Variants in IQCM observed in about 807,000 individuals in gnomAD.
The protein encoded by IQCM is IQ motif containing M.
A neutral mutation model predicts 57.6 loss-of-function variants in IQCM; 45 were observed. The observed-to-expected ratio is 0.78, with a 90% CI of 0.62 to 1.00. The LOEUF (loss-of-function observed/expected upper bound fraction) is 1.00, where lower values mean the gene tolerates loss of function less well. Ranked by LOEUF, IQCM falls within the 50% of genes least tolerant of loss-of-function variation. The pLI is 0.00. For synonymous variants in IQCM, 148 were observed against 158.9 expected, an observed-to-expected ratio of 0.93 and a Z score of 0.51; for missense variants, 468 against 511.6, an observed-to-expected ratio of 0.91 and a Z score of 0.82.
chr4:149,490,924 C>T (rs562351476), intron 12 of IQCM, among the ~76,000 whole-genome samples: 5 of 152,090 alleles, frequency 3.3e-5, no homozygotes, highest in Non-Finnish European at 7.4e-5. Flanking sequence ...TATGAGGAAA[C>T]AGAAGGGAAA....
chr4:149,769,365 C>A (rs1770351520), intron 2 of IQCM, among the ~76,000 whole-genome samples: 1 of 151,952 alleles, frequency 6.6e-6, no homozygotes, highest in African/African-American at 2.4e-5. Context: ...AATCCAACAA[C>A]CCTTTATATC....
At chr4:149,534,876 A>G (rs921120501) in intron 12 of IQCM, among the ~76,000 whole-genome samples, 1 of 152,138 alleles carries the variant, frequency 6.6e-6, no homozygotes, top group Non-Finnish European at 1.5e-5. Context: ...CTTTTAGCAT[A>G]AACAATTGGC....
At chr4:149,507,635 G>T (rs1344057061) in intron 12 of IQCM, among the ~76,000 whole-genome samples, 1 of 151,664 alleles carries the variant, frequency 6.6e-6, no homozygotes, top group Admixed American at 6.6e-5. Context: ...TTCAAGAGGT[G>T]ACTTGGGTAC....
chr4:149,733,427 T>C lies in IQCM; in HGVS notation c.202A>G (p.Ile68Val). Residue 68 changes from isoleucine (I) to valine (V), a missense_variant, in exon 5 of 14, where the codon ATT (isoleucine) becomes GTT (valine). Ile to Val is a conservative substitution (Grantham distance 29). Coordinates refer to ENST00000636793, the MANE Select transcript of IQCM (RefSeq NM_001363507.2). ...ACATCACGTGTTACCTTTTTGTCAA[T>C]CTCCAAAGGTATGTATTTGCCAGAT... is the stretch of plus-strand genomic sequence containing the variant. The part of the protein sequence containing the change: ...PKSGKYIPLE[I>V]DKKVTRDVVQ... 1 of 1,231,848 alleles carries C rather than the reference T, an allele frequency of 8.1e-7. No individual in the cohort carries two copies. The allele number at this position is 1,231,848 out of a possible 1,614,324, so 76.3% of individuals were successfully genotyped here.
intron 3 of IQCM, among the ~76,000 whole-genome samples, chr4:149,736,179 C>G (rs1368548590): frequency 6.6e-6 from 1 of 150,874 alleles, no homozygotes; most frequent in Non-Finnish European, 1.5e-5. Flanking sequence ...AACTCCAGGG[C>G]TCAAGCAATC....
intron 3 of IQCM, among the ~76,000 whole-genome samples, chr4:149,738,008 T>C (rs1767101231): frequency 6.6e-6 from 1 of 152,170 alleles, no homozygotes; most frequent in African/African-American, 2.4e-5. Flanking sequence ...AAGTCACTGG[T>C]TTTTTGTTGT....
intron 7 of IQCM, among the ~76,000 whole-genome samples, chr4:149,657,145 T>C (rs1345006250): frequency 6.6e-6 from 1 of 152,136 alleles, no homozygotes; most frequent in Non-Finnish European, 1.5e-5. Context: ...ACCAGTTGAC[T>C]AACTTCTTTC....
intron 12 of IQCM, among the ~76,000 whole-genome samples, chr4:149,475,457 T>C (rs1457522170): frequency 6.6e-6 from 1 of 152,176 alleles, no homozygotes; most frequent in African/African-American, 2.4e-5. Context: ...GGCAGATACA[T>C]ATGTGATCCT....
intron 12 of IQCM, among the ~76,000 whole-genome samples, chr4:149,455,286 A>G (rs905348362): frequency 6.6e-6 from 1 of 152,030 alleles, no homozygotes; most frequent in Non-Finnish European, 1.5e-5. Flanking sequence ...TCATTCACTC[A>G]ATGCAGGATT....
intron 13 of IQCM, among the ~76,000 whole-genome samples, chr4:149,361,540 C>T (rs924569600): frequency 1.3e-5 from 2 of 152,194 alleles, no homozygotes; most frequent in African/African-American, 4.8e-5. Flanking sequence ...CCAGCCATTC[C>T]AGCTGTGGCT....
chr4:149,646,137 C>A (rs1758613903), intron 7 of IQCM, among the ~76,000 whole-genome samples: 1 of 152,214 alleles, frequency 6.6e-6, no homozygotes, highest in African/African-American at 2.4e-5. Context: ...TACTCTCTGT[C>A]AGCCTTAGGG....
rs1296616557 is a variant in IQCM, at chr4:149,623,062, G to C, written c.566-1818C>G. On this transcript the variant is annotated intron_variant, in intron 7 of 13. Transcript: ENST00000636793. ...CAACACAAAGAAATGACAAATGTCTGAGATGATAAATATATTAACTACCCT... is the reference window on the plus strand; with the variant it reads ...CAACACAAAGAAATGACAAATGTCTCAGATGATAAATATATTAACTACCCT... 2.0e-5 allele frequency among the ~76,000 whole-genome samples: 3 copies of C among 152,234 alleles called. No individual in the cohort carries two copies. In the East Asian group the frequency reaches 5.8e-4, roughly 29 times the overall value.
chr4:149,410,020 C>T (rs1733261232), intron 13 of IQCM, among the ~76,000 whole-genome samples: 1 of 152,140 alleles, frequency 6.6e-6, no homozygotes, highest in South Asian at 2.1e-4. Flanking sequence ...CCCGTCTCTA[C>T]TGAAAATACA....
chr4:149,786,691 C>T (rs1313244876), intron 2 of IQCM, among the ~76,000 whole-genome samples: 9 of 152,054 alleles, frequency 5.9e-5, no homozygotes, highest in Non-Finnish European at 1.2e-4. Context: ...TAGATGCTGG[C>T]GAGGCTTTGG....
chr4:149,528,957 T>G (rs1264051430), intron 12 of IQCM, among the ~76,000 whole-genome samples: 1 of 152,090 alleles, frequency 6.6e-6, no homozygotes, highest in Non-Finnish European at 1.5e-5. Flanking sequence ...AATATACTCC[T>G]TTAATAAGTG....
At chr4:149,544,077 T>A (rs1359449786) in intron 12 of IQCM, among the ~76,000 whole-genome samples, 1 of 152,112 alleles carries the variant, frequency 6.6e-6, no homozygotes, top group Non-Finnish European at 1.5e-5. Flanking sequence ...CTCACACCTT[T>A]GTACTAGTAT....
chr4:149,627,252 A>T (rs1286438442), intron 7 of IQCM, among the ~76,000 whole-genome samples: 1 of 152,196 alleles, frequency 6.6e-6, no homozygotes, highest in Non-Finnish European at 1.5e-5. Context: ...ACCTCAGCAG[A>T]GCTCAACTTT....
intron 13 of IQCM, among the ~76,000 whole-genome samples, chr4:149,415,447 G>A (rs550855267): frequency 7.2e-5 from 11 of 152,280 alleles, no homozygotes; most frequent in South Asian, 4.1e-4. Context: ...AGTGGTAAGT[G>A]TGTTTTATAA....
intron 12 of IQCM, among the ~76,000 whole-genome samples, chr4:149,441,924 G>T (rs569171499): frequency 3.0e-4 from 45 of 152,170 alleles, no homozygotes; most frequent in Admixed American, 5.9e-4. Context: ...AGCCCTTTTT[G>T]TGCCTTTGCA....
Sources: gnomAD v4.1 joint callset for allele counts (sites outside exome capture counted in the v4.1 genomes callset) on GRCh38, gnomAD v4.1.1 for gene constraint, MANE v1.5 for transcripts, NCBI Gene and HGNC (gene_info 2026-07-23, HGNC 2026-07-21) for gene names.